Variants in ZBTB16 observed in about 807,000 individuals in gnomAD.
ZBTB16 encodes the protein zinc finger and BTB domain-containing protein 16.
Under a neutral mutation model 56.8 loss-of-function variants are expected in ZBTB16, and 8 were observed. The ratio of observed to expected loss-of-function variants is 0.14; its 90% CI spans 0.08 to 0.25. ZBTB16 has a LOEUF of 0.25. Ranked by LOEUF, ZBTB16 falls within the 10% of genes least tolerant of loss-of-function variation. The probability of loss-of-function intolerance (pLI) is 1.00; values close to 1 mark genes in which losing one functional copy is unlikely to be tolerated. For missense variants in ZBTB16, 625 were observed against 903.0 expected, an observed-to-expected ratio of 0.69 and a Z score of 3.95; for synonymous variants, 363 against 368.5, an observed-to-expected ratio of 0.98 and a Z score of 0.17.
At chr11:114,249,556 G>C (rs1314774279) in intron 6 of ZBTB16, among the ~76,000 whole-genome samples, 1 of 143,742 alleles carries the variant, frequency 7.0e-6, no homozygotes, top group African/African-American at 2.6e-5. Flanking sequence ...TTGAGGTCAG[G>C]AGATCGAGAC....
At chr11:114,158,254 GTTGGTAAAGCGTCT>G (rs937080150) in intron 3 of ZBTB16, among the ~76,000 whole-genome samples, 8 of 152,138 alleles carry the variant, frequency 5.3e-5, no homozygotes, top group South Asian at 4.1e-4. Flanking sequence ...CTTCTAGCCT[GTTGGTAAAGCGTCT>G]TTGCCCTCTC....
chr11:114,168,885 C>A (rs937482866), intron 3 of ZBTB16, among the ~76,000 whole-genome samples: 6 of 152,192 alleles, frequency 3.9e-5, no homozygotes, highest in African/African-American at 1.4e-4. Flanking sequence ...GCTTATTAGC[C>A]TCTTCCTGCT....
intron 3 of ZBTB16, among the ~76,000 whole-genome samples, chr11:114,178,865 G>A (rs1943181283): frequency 6.6e-6 from 1 of 152,190 alleles, no homozygotes; most frequent in Admixed American, 6.5e-5. Context: ...CACACATGAG[G>A]TGTCAGTCAT....
chr11:114,242,176 T>C lies in ZBTB16; in HGVS notation c.1463T>C (p.Met488Thr), dbSNP rs747703928. Residue 488 changes from methionine to threonine, a missense_variant, in exon 5 of 7, where the codon ATG (methionine) becomes ACG (threonine). Transcript: ENST00000335953. ...THRQTHTGTDMAVFCLLCGKR... is the reference protein window; with the variant it reads ...THRQTHTGTDTAVFCLLCGKR... ...CTCCTGTCTCCCACAGGCACTGACA[T>C]GGCCGTCTTCTGTCTGCTGTGTGGG... 2.5e-6 allele frequency: 4 copies of C among 1,613,706 alleles called. No individual in the cohort carries two copies. The highest frequency in any genetic ancestry group is 3.3e-5 in the Admixed American group (2 of 60,028).
intron 2 of ZBTB16, among the ~76,000 whole-genome samples, chr11:114,105,131 A>T (rs1337029701): frequency 6.6e-6 from 1 of 152,172 alleles, no homozygotes; most frequent in East Asian, 1.9e-4. Context: ...TAACTAACCT[A>T]GTTTTTCTTG....
At chr11:114,191,858 G>C (rs1299773392) in intron 4 of ZBTB16, among the ~76,000 whole-genome samples, 1 of 152,140 alleles carries the variant, frequency 6.6e-6, no homozygotes, top group African/African-American at 2.4e-5. Flanking sequence ...TATAGGGAAG[G>C]GGGAAAAGTA....
chr11:114,223,916 G>A (rs1944284509), intron 4 of ZBTB16, among the ~76,000 whole-genome samples: 1 of 152,186 alleles, frequency 6.6e-6, no homozygotes. Flanking sequence ...AGAGTAGGGA[G>A]AGAGTAAGAC....
In ZBTB16 at chr11:114,148,336, G is replaced by GCTGGCTTGCTTGCTTC. The variant is rs1369514528; in HGVS notation, c.1269-7999_1269-7998insGGCTTGCTTGCTTCCT. On this transcript the variant is annotated intron_variant, in intron 2 of 6. Coordinates refer to ENST00000335953, the MANE Select transcript of ZBTB16 (RefSeq NM_006006.6). The stretch of plus-strand genomic sequence containing the variant: ...GATGCATAGGATGCATGGCTGGCTG[G>GCTGGCTTGCTTGCTTC]CTTCCTTCCTTCCTTCCTTCCTTCC... Among the ~76,000 whole-genome samples the GCTGGCTTGCTTGCTTC allele has an allele frequency of 3.2e-3, 169 of 52,580 alleles. 1 individual carries two copies. The highest frequency in any genetic ancestry group is 6.0e-3 in the South Asian group (8 of 1,326). 34.5% of individuals were successfully genotyped at this position (52,580 alleles called of 152,430 possible). A position where few individuals can be genotyped will look rare whatever the true frequency, so the allele number is the denominator to read the frequency against.
At chr11:114,202,302 A>G (rs1303681989) in intron 4 of ZBTB16, among the ~76,000 whole-genome samples, 6 of 152,220 alleles carry the variant, frequency 3.9e-5, no homozygotes, top group Non-Finnish European at 2.9e-5. Flanking sequence ...GATCAATTAA[A>G]TATCAACAGT....
chr11:114,104,572 G>A (rs1317536141), intron 2 of ZBTB16, among the ~76,000 whole-genome samples: 1 of 152,282 alleles, frequency 6.6e-6, no homozygotes, highest in Non-Finnish European at 1.5e-5. Flanking sequence ...TTTGCTGTGC[G>A]TTTTCCAGAA....
chr11:114,186,130 C>G (rs913822817), intron 3 of ZBTB16, among the ~76,000 whole-genome samples: 1 of 152,138 alleles, frequency 6.6e-6, no homozygotes, highest in African/African-American at 2.4e-5. Context: ...GGAGCATTGC[C>G]TCACCTACAG....
intron 4 of ZBTB16, among the ~76,000 whole-genome samples, chr11:114,222,567 GCATT>G (rs1944249555): frequency 6.6e-6 from 1 of 152,086 alleles, no homozygotes; most frequent in Non-Finnish European, 1.5e-5. Flanking sequence ...AGGACACCTG[GCATT>G]GTATCCACCA....
At chr11:114,145,337 A>G (rs764944895) in intron 2 of ZBTB16, among the ~76,000 whole-genome samples, 6 of 152,270 alleles carry the variant, frequency 3.9e-5, no homozygotes, top group South Asian at 4.1e-4. Context: ...AAGTGAAAAC[A>G]TATGTCCACA....
chr11:114,192,998 T>C (rs1290523052), intron 4 of ZBTB16, among the ~76,000 whole-genome samples: 1 of 152,206 alleles, frequency 6.6e-6, no homozygotes, highest in Non-Finnish European at 1.5e-5. Flanking sequence ...CCCAGACATA[T>C]GGAGCACCCC....
intron 2 of ZBTB16, among the ~76,000 whole-genome samples, chr11:114,136,615 G>A (rs1430575131): frequency 6.6e-6 from 1 of 152,068 alleles, no homozygotes; most frequent in East Asian, 1.9e-4. Flanking sequence ...GATGAGTTGT[G>A]GTAGCTACAG....
At chr11:114,193,401 T>C (rs895083543) in intron 4 of ZBTB16, among the ~76,000 whole-genome samples, 7 of 152,114 alleles carry the variant, frequency 4.6e-5, no homozygotes, top group African/African-American at 1.7e-4. Flanking sequence ...CACTTCCTTG[T>C]GTGGGGCAGG....
chr11:114,068,229 A>C (rs1239100648), intron 2 of ZBTB16, among the ~76,000 whole-genome samples: 2 of 152,034 alleles, frequency 1.3e-5, no homozygotes, highest in African/African-American at 4.8e-5. Context: ...TCCTTCTTGC[A>C]TTTCTTCTTG....
chr11:114,075,841 TC>T (rs984636743), intron 2 of ZBTB16, among the ~76,000 whole-genome samples: 2 of 152,036 alleles, frequency 1.3e-5, no homozygotes, highest in Admixed American at 6.6e-5. Flanking sequence ...CCAAAAGTTT[TC>T]CCCCCATCAT....
chr11:114,246,945 C>T (rs1944827389), intron 5 of ZBTB16: 1 of 542,572 alleles, frequency 1.8e-6, no homozygotes, highest in Non-Finnish European at 3.3e-6. Flanking sequence ...CATCCCTGAA[C>T]CAAATGGGCT....
Sources: gnomAD v4.1 joint callset for allele counts (sites outside exome capture counted in the v4.1 genomes callset) on GRCh38, gnomAD v4.1.1 for gene constraint, MANE v1.5 for transcripts, NCBI Gene and HGNC (gene_info 2026-07-23, HGNC 2026-07-21) for gene names.